Variants in BCKDHB observed in about 807,000 individuals in gnomAD.
BCKDHB encodes the protein 2-oxoisovalerate dehydrogenase subunit beta, mitochondrial.
Under a neutral mutation model 48.5 loss-of-function variants are expected in BCKDHB, and 41 were observed. The observed-to-expected ratio is 0.85, with a 90% confidence interval of 0.66 to 1.10. The LOEUF (loss-of-function observed/expected upper bound fraction) is 1.10. BCKDHB is among the 50% of genes least tolerant of loss of function. The probability of loss-of-function intolerance (pLI) is 0.00; values close to 1 mark genes in which losing one functional copy is unlikely to be tolerated. For synonymous variants in BCKDHB, 201 were observed against 174.8 expected (o/e 1.15, Z -1.18); for missense variants, 496 against 494.2 (o/e 1.00, Z -0.03).
At chr6:80,232,176 C>T (rs925815096) in intron 8 of BCKDHB, among the ~76,000 whole-genome samples, 2 of 152,064 alleles carry the variant, frequency 1.3e-5, no homozygotes, top group South Asian at 2.1e-4. Flanking sequence ...TATATCCTAC[C>T]TGCTTATTAT....
chr6:80,411,163 G>C, the BCKDHB span, among the ~76,000 whole-genome samples: 1 of 152,070 alleles, frequency 6.6e-6, no homozygotes, highest in Non-Finnish European at 1.5e-5. Flanking sequence ...TGTTGATGCT[G>C]GTCCTTTCTG....
intron 8 of BCKDHB, among the ~76,000 whole-genome samples, chr6:80,212,228 A>G (rs1457603683): frequency 6.6e-6 from 1 of 152,120 alleles, no homozygotes; most frequent in Non-Finnish European, 1.5e-5. Flanking sequence ...CACCCTGATA[A>G]GCCTGAGGGT....
intron 9 of BCKDHB, among the ~76,000 whole-genome samples, chr6:80,336,353 A>G (rs1769589422): frequency 6.6e-6 from 1 of 151,886 alleles, no homozygotes; most frequent in Non-Finnish European, 1.5e-5. Context: ...AGGGAAACCC[A>G]TTTAGATCAG....
chr6:80,391,123 T>A, the BCKDHB span, among the ~76,000 whole-genome samples: 10 of 151,950 alleles, frequency 6.6e-5, no homozygotes, highest in Admixed American at 4.6e-4. Context: ...GCAGCATTCC[T>A]CCCTCTGGAA....
In BCKDHB at chr6:80,129,774, C is replaced by T. The variant is rs80310427; in HGVS notation, c.343+545C>T. On this transcript the variant is annotated intron_variant, in intron 3 of 9. Coordinates refer to ENST00000320393, the MANE Select transcript of BCKDHB (RefSeq NM_183050.4). ...CCTTGAGGCTGAATTTCTTTTTGCT[C>T]GGGAACCTGCAGTCTTTTCTCTTAA... Among the ~76,000 whole-genome samples, 1,425 of 152,194 alleles carry T rather than the reference C, an allele frequency of 9.4e-3. 30 individuals are homozygous for T. The highest frequency in any genetic ancestry group is 0.033 in the African/African-American group (1,354 of 41,532).
intron 5 of BCKDHB, chr6:80,169,685 G>A: frequency 1.4e-6 from 1 of 735,322 alleles, no homozygotes; most frequent in Non-Finnish European, 2.0e-6. Context: ...AGCTTTTCAG[G>A]GGATCATTGT....
intron 9 of BCKDHB, among the ~76,000 whole-genome samples, chr6:80,294,336 G>A (rs1043433737): frequency 1.6e-4 from 24 of 152,096 alleles, no homozygotes; most frequent in African/African-American, 5.1e-4. Context: ...GGTGATAATT[G>A]TGTTAACTGT....
chr6:80,123,071 C>T (rs1467257312), intron 1 of BCKDHB, among the ~76,000 whole-genome samples: 6 of 150,058 alleles, frequency 4.0e-5, no homozygotes, highest in Admixed American at 3.4e-4. Context: ...CTTGCATGTC[C>T]GTTTATAGGC....
intron 1 of BCKDHB, among the ~76,000 whole-genome samples, chr6:80,118,027 GA>G (rs1185269993): frequency 6.6e-6 from 1 of 152,150 alleles, no homozygotes; most frequent in Admixed American, 6.5e-5. Context: ...CTTACTTTAT[GA>G]AATGTATGCA....
At chr6:80,107,677 A>G (rs185385800) in intron 1 of BCKDHB, among the ~76,000 whole-genome samples, 16 of 151,860 alleles carry the variant, frequency 1.1e-4, no homozygotes, top group African/African-American at 3.9e-4. Flanking sequence ...ATGTGAAAGA[A>G]TTCAGACTTT....
the BCKDHB span, among the ~76,000 whole-genome samples, chr6:80,424,816 A>G: frequency 1.5e-3 from 234 of 152,282 alleles, 2 homozygotes; most frequent in African/African-American, 5.4e-3. Flanking sequence ...TCTCAGGTTG[A>G]CAGGAGGACT....
At chr6:80,287,013 A>G (rs1766656403) in intron 9 of BCKDHB, among the ~76,000 whole-genome samples, 1 of 152,168 alleles carries the variant, frequency 6.6e-6, no homozygotes, top group African/African-American at 2.4e-5. Context: ...GTAAGTGACC[A>G]TAGTTTCAGC....
At chr6:80,440,028 C>T in the BCKDHB span, among the ~76,000 whole-genome samples, 1 of 152,160 alleles carries the variant, frequency 6.6e-6, no homozygotes, top group Non-Finnish European at 1.5e-5. Flanking sequence ...GAAAAGGACA[C>T]TTTGGAAATA....
At chr6:80,210,148 A>C (rs1047914304) in intron 8 of BCKDHB, among the ~76,000 whole-genome samples, 6 of 151,852 alleles carry the variant, frequency 4.0e-5, no homozygotes, top group East Asian at 1.9e-4. Context: ...AAAAAAAAAA[A>C]AAAAAACCAG....
At chr6:80,463,680 G>C in the BCKDHB span, among the ~76,000 whole-genome samples, 2 of 152,038 alleles carry the variant, frequency 1.3e-5, no homozygotes, top group African/African-American at 4.8e-5. Flanking sequence ...GAAAGAAAGT[G>C]GTTTGGCTAT....
chr6:80,198,093 C>G (rs568097952), intron 6 of BCKDHB, among the ~76,000 whole-genome samples: 2 of 152,104 alleles, frequency 1.3e-5, no homozygotes, highest in South Asian at 4.1e-4. Flanking sequence ...TTTCTGTAAA[C>G]GAACAGATGG....
chr6:80,349,169 T>C (rs538152654), downstream of BCKDHB, among the ~76,000 whole-genome samples: 1 of 152,314 alleles, frequency 6.6e-6, no homozygotes, highest in South Asian at 2.1e-4. Context: ...CTCTTCATCT[T>C]TAGGAAAGAA....
intron 9 of BCKDHB, among the ~76,000 whole-genome samples, chr6:80,293,449 A>G (rs1562208882): frequency 6.6e-6 from 1 of 152,184 alleles, no homozygotes; most frequent in Non-Finnish European, 1.5e-5. Flanking sequence ...AGTGGCTAGA[A>G]TGCAGGGCAT....
chr6:80,450,880 G>A, the BCKDHB span, among the ~76,000 whole-genome samples: 1 of 152,048 alleles, frequency 6.6e-6, no homozygotes, highest in Admixed American at 6.6e-5. Flanking sequence ...GTAAAACAAT[G>A]AGATACATAA....
Sources: gnomAD v4.1 joint callset for allele counts (sites outside exome capture counted in the v4.1 genomes callset) on GRCh38, gnomAD v4.1.1 for gene constraint, MANE v1.5 for transcripts, NCBI Gene and HGNC (gene_info 2026-07-23, HGNC 2026-07-21) for gene names.